Variants in CMBL observed in about 807,000 individuals in gnomAD.
CMBL encodes the protein carboxymethylenebutenolidase homolog.
In CMBL, 17 loss-of-function variants were observed where a neutral mutation model predicts 28.7. That is an observed-to-expected ratio of 0.59 (90% CI 0.41 to 0.89). The LOEUF (loss-of-function observed/expected upper bound fraction) is 0.89, where lower values mean the gene tolerates loss of function less well. Among genes scored for constraint, CMBL ranks in the 40% least tolerant of loss-of-function variants. CMBL has a pLI of 0.00. For synonymous variants in CMBL, 106 were observed against 101.6 expected (o/e 1.04, Z -0.26); for missense variants, 310 against 298.5 (o/e 1.04, Z -0.28).
intron 4 of CMBL, among the ~76,000 whole-genome samples, chr5:10,285,981 T>G (rs900845765): frequency 1.3e-5 from 2 of 152,056 alleles, no homozygotes; most frequent in Admixed American, 1.3e-4. Flanking sequence ...TTACAGGCAT[T>G]AGCCACCACC....
rs1298376735 is a variant in CMBL at position 10,278,824 on chromosome 5, T to A, written c.*1629A>T. On this transcript the variant is annotated 3_prime_UTR_variant, in exon 6 of 6. Coordinates refer to ENST00000296658, the MANE Select transcript of CMBL (RefSeq NM_138809.4). ...AGGTCAGATGAGAGCCACAAGGTCATGTGCCAGGATAAACAAGCTTCCTGC... is the reference window on the plus strand; with the variant it reads ...AGGTCAGATGAGAGCCACAAGGTCAAGTGCCAGGATAAACAAGCTTCCTGC... 1.3e-5 allele frequency among the ~76,000 whole-genome samples: 2 copies of A among 152,060 alleles called. No individual in the cohort carries two copies. The highest frequency in any genetic ancestry group is 2.9e-5 in the Non-Finnish European group (2 of 68,020).
chr5:10,282,485 G>T (rs1242620768), intron 4 of CMBL, among the ~76,000 whole-genome samples, 197 bp from the exon 5 acceptor site: 2 of 151,954 alleles, frequency 1.3e-5, no homozygotes, highest in Non-Finnish European at 2.9e-5. Context: ...CCACTTGTAA[G>T]ATTAGCGTAA....
intron 4 of CMBL, among the ~76,000 whole-genome samples, chr5:10,282,733 G>A (rs573430242): frequency 1.9e-4 from 29 of 152,116 alleles, no homozygotes; most frequent in Non-Finnish European, 2.9e-4. Context: ...GCAGTGAGCC[G>A]TTTGTGCCAC....
In CMBL at chr5:10,282,281, G is replaced by C. The variant is rs1271254328; in HGVS notation, c.474C>G (p.Val158=). The C allele has an allele frequency of 3.8e-6, 6 of 1,598,020 alleles. No homozygotes were observed. The highest frequency in any genetic ancestry group is 3.4e-6 in the Non-Finnish European group (4 of 1,165,252). ...AATTGTAAATGTCTTCAGAATCCTT[G>C]ACAATGCCTGAAAAACAAGCACAGA... is the stretch of plus-strand genomic sequence containing the variant. ...FRAGVSVYGI[V]KDSEDIYNLK... is the part of the protein sequence containing the mutation. Residue 158 remains valine, a synonymous_variant, in exon 5 of 6, where the codon GTC becomes GTG. Coordinates refer to ENST00000296658, the MANE Select transcript of CMBL (RefSeq NM_138809.4).
At chr5:10,291,050 T>C (rs183070293) in intron 1 of CMBL, among the ~76,000 whole-genome samples, 1,922 of 152,008 alleles carry the variant, frequency 0.013, 37 homozygotes, top group African/African-American at 0.043. Context: ...GGGGGCAGGA[T>C]CGGAGAGGAA....
intron 1 of CMBL, among the ~76,000 whole-genome samples, chr5:10,293,959 A>T (rs1746768270): frequency 6.6e-6 from 1 of 152,256 alleles, no homozygotes; most frequent in African/African-American, 2.4e-5. Context: ...GTTGCAATTT[A>T]CAATGGTGTA....
At position 10,278,614 on chromosome 5, in the gene CMBL, A is replaced by T. The variant is rs1746436895; in HGVS notation, c.*1839T>A. On this transcript the variant is annotated 3_prime_UTR_variant, in exon 6 of 6. Coordinates refer to ENST00000296658, the MANE Select transcript of CMBL (RefSeq NM_138809.4). ...CTTCTGGTTGAGCCCATGTGTCCTG[A>T]ATGGCTCCCCCTTTTTGCTGGCCCT... is the stretch of plus-strand genomic sequence containing the variant. 1.3e-5 allele frequency among the ~76,000 whole-genome samples: 2 copies of T among 151,988 alleles called. No individual in the cohort carries two copies. Among genetic ancestry groups the T allele is most frequent in the Non-Finnish European group, 2.9e-5 (2 of 68,006 alleles).
chr5:10,283,836 G>A (rs1399692672), intron 4 of CMBL, among the ~76,000 whole-genome samples: 3 of 152,224 alleles, frequency 2.0e-5, no homozygotes, highest in African/African-American at 4.8e-5. Context: ...TTAGAAGCAT[G>A]CTCTGCCTGA....
intron 2 of CMBL, 85 bp downstream of exon 2, chr5:10,290,463 G>A (rs1173352851): frequency 1.2e-5 from 13 of 1,114,672 alleles, no homozygotes; most frequent in Middle Eastern, 2.4e-4. Context: ...TAGTCAGACC[G>A]CTGTGGTTTT....
At chr5:10,281,890 T>G (rs983265883) in intron 5 of CMBL, among the ~76,000 whole-genome samples, 1 of 139,996 alleles carries the variant, frequency 7.1e-6, no homozygotes, top group Non-Finnish European at 1.5e-5. Context: ...CCAGGCGTGG[T>G]GGCTCACACC....
At chr5:10,283,271 T>G (rs1746534130) in intron 4 of CMBL, among the ~76,000 whole-genome samples, 1 of 152,180 alleles carries the variant, frequency 6.6e-6, no homozygotes, top group African/African-American at 2.4e-5. Context: ...CCCGCTGGGA[T>G]GTACCTTCGT....
intron 4 of CMBL, 52 bp downstream of exon 4, chr5:10,286,302 C>A: frequency 6.4e-7 from 1 of 1,564,926 alleles, no homozygotes. Context: ...ATTGTTGTCA[C>A]TCTTCCACCC....
chr5:10,292,749 G>A (rs1054348634), intron 1 of CMBL, among the ~76,000 whole-genome samples: 1 of 150,940 alleles, frequency 6.6e-6, no homozygotes, highest in Non-Finnish European at 1.5e-5. Flanking sequence ...GCTCGAACTC[G>A]GGAGGTGGAG....
chr5:10,288,914 A>G (rs1746654820), intron 2 of CMBL, among the ~76,000 whole-genome samples: 1 of 152,182 alleles, frequency 6.6e-6, no homozygotes, highest in South Asian at 2.1e-4. Context: ...GGCCTTTCAC[A>G]TGAGCCTCAG....
At position 10,285,419 on chromosome 5, in the gene CMBL, G is replaced by A. The variant is rs974341528; in HGVS notation, c.466+935C>T. 2.6e-5 allele frequency among the ~76,000 whole-genome samples: 4 copies of A among 151,716 alleles called. 1 individual carries two copies. In the South Asian group the frequency reaches 6.3e-4, roughly 24 times the overall value. ...ATTGACCTCATGAGCCACCCACCTC[G>A]GCCTCCCAAAGTGCTGGGATTATAG... On this transcript the variant is annotated intron_variant, in intron 4 of 5. Transcript: ENST00000296658.
At chr5:10,285,357 C>T (rs1746579714) in intron 4 of CMBL, among the ~76,000 whole-genome samples, 3 of 151,942 alleles carry the variant, frequency 2.0e-5, no homozygotes, top group South Asian at 2.1e-4. Flanking sequence ...TTAGTAGAGA[C>T]GGGGTTTCAC....
intron 1 of CMBL, among the ~76,000 whole-genome samples, chr5:10,304,409 C>T (rs1210384706): frequency 6.6e-6 from 1 of 151,994 alleles, no homozygotes; most frequent in Non-Finnish European, 1.5e-5. Context: ...AATTCATAAC[C>T]CCTCCTATAG....
At chr5:10,291,586 G>A (rs10060917) in intron 1 of CMBL, among the ~76,000 whole-genome samples, 36,027 of 150,530 alleles carry the variant, frequency 0.24, 6,148 homozygotes, top group African/African-American at 0.49. Context: ...GCGTGAACCC[G>A]GGAGGCGGAG....
chr5:10,301,776 A>G (rs1429393132), intron 1 of CMBL, among the ~76,000 whole-genome samples: 1 of 151,554 alleles, frequency 6.6e-6, no homozygotes, highest in Admixed American at 6.6e-5. Context: ...TAATTTTTAT[A>G]TTTTTAGTAG....
Sources: allele counts gnomAD v4.1 joint callset (sites outside exome capture counted in the v4.1 genomes callset), GRCh38; gene constraint gnomAD v4.1.1; transcripts MANE v1.5; gene names NCBI Gene and HGNC (gene_info 2026-07-23, HGNC 2026-07-21).